SPG7: variants seen among roughly 807,000 people sequenced by gnomAD.
SPG7 encodes SPG7 matrix AAA peptidase subunit, paraplegin.
In SPG7, 103 loss-of-function variants were observed where a neutral mutation model predicts 81.9. The observed-to-expected ratio is 1.26, with a 90% CI of 1.07 to 1.48. SPG7 has a LOEUF of 1.48. Among genes scored for constraint, SPG7 ranks in the 40% most tolerant of loss-of-function variants. SPG7 has a pLI of 0.00. For missense variants in SPG7, 1,241 were observed against 1,087.3 expected (o/e 1.14, Z -1.99); for synonymous variants, 534 against 444.2 (o/e 1.20, Z -2.54).
At chr16:89,537,115 G>A in intron 9 of SPG7, 1 of 1,488,560 alleles carries the variant, frequency 6.7e-7, no homozygotes, top group Admixed American at 2.1e-5. Context: ...AGCTGTGCAT[G>A]CTCAGCCCTG....
intron 14 of SPG7, 180 bp downstream of exon 14, chr16:89,553,315 T>A: frequency 1.4e-6 from 1 of 704,686 alleles, no homozygotes; most frequent in Non-Finnish European, 2.4e-6. Flanking sequence ...ACTTCTTAGA[T>A]AATTTAATTG....
At position 89,508,473 on chromosome 16, in the gene SPG7, C is replaced by G. The variant is rs2152392865; in HGVS notation, c.56C>G (p.Pro19Arg). ...RALRRGPGPG[P>R]RPLWGPGPAW... ...CTCCGCCGGGGTCCAGGCCCGGGTCCTCGGCCGCTGTGGGGCCCAGGCCCG... is the reference window on the plus strand; with the variant it reads ...CTCCGCCGGGGTCCAGGCCCGGGTCGTCGGCCGCTGTGGGGCCCAGGCCCG... Residue 19 changes from proline to arginine, a missense_variant, in exon 1 of 17, where the codon CCT (proline) becomes CGT (arginine). By Grantham distance (103) the Pro-to-Arg change is moderately radical. Transcript: ENST00000645818. 6.6e-7 allele frequency: 1 copy of G among 1,508,410 alleles called. No homozygotes were observed. Among genetic ancestry groups the G allele is most frequent in the East Asian group, 2.7e-5 (1 of 37,398 alleles). 93.4% of individuals were successfully genotyped at this position (1,508,410 alleles called of 1,614,324 possible).
intron 10 of SPG7, 117 bp from the exon 11 acceptor site, chr16:89,546,541 G>T: frequency 1.3e-6 from 1 of 796,028 alleles, no homozygotes; most frequent in South Asian, 1.3e-5. Flanking sequence ...AGGCATGATG[G>T]CACACACTTG....
intron 3 of SPG7, among the ~76,000 whole-genome samples, chr16:89,514,731 C>G (rs1454565675): frequency 1.3e-5 from 2 of 151,972 alleles, no homozygotes; most frequent in African/African-American, 4.8e-5. Context: ...ATCTCCTGAC[C>G]TTGTGATCTG....
At chr16:89,532,419 T>A in intron 8 of SPG7, 44 bp from the exon 9 acceptor site, 3 of 1,609,774 alleles carry the variant, frequency 1.9e-6, no homozygotes, top group Non-Finnish European at 2.5e-6. Flanking sequence ...AGGCTTTGTT[T>A]TTTATTAACT....
intron 3 of SPG7, among the ~76,000 whole-genome samples, chr16:89,516,574 G>C (rs1264726042): frequency 6.6e-6 from 1 of 151,598 alleles, no homozygotes; most frequent in Non-Finnish European, 1.5e-5. Flanking sequence ...AATTAAGAAA[G>C]AAAAGGCCGG....
chr16:89,534,430 G>C (rs1177587639), intron 9 of SPG7, among the ~76,000 whole-genome samples: 1 of 152,212 alleles, frequency 6.6e-6, no homozygotes, highest in African/African-American at 2.4e-5. Flanking sequence ...GGTGAATCAG[G>C]CTGTGTTAAC....
At chr16:89,554,314 C>T (rs548028722) in intron 15 of SPG7, among the ~76,000 whole-genome samples, 172 bp from the exon 16 acceptor site, 2 of 152,280 alleles carry the variant, frequency 1.3e-5, no homozygotes, top group African/African-American at 4.8e-5. Flanking sequence ...GCATGCGGAG[C>T]CCTGCTTTCC....
At position 89,553,895 on chromosome 16, in the gene SPG7, C is replaced by T. The variant is rs780775425; in HGVS notation, c.2038C>T (p.Gln680Ter). Residue 680 changes from glutamine (Q) to a stop codon, truncating the protein, a stop_gained, in exon 15 of 17, where the codon CAG becomes TAG. Transcript: ENST00000645818. LOFTEE classifies it high-confidence loss of function. ...CGGGCCCATCTCCTTCCCTGAGGCG[C>T]AGGAGGGCCTCATGGGCATCGGGCG... Reference protein sequence around the residue: ...GIGPISFPEAQEGLMGIGRRP... With the variant: ...GIGPISFPEA 1 of 1,613,182 alleles carries T rather than the reference C, an allele frequency of 6.2e-7. No homozygotes were observed. The highest frequency in any genetic ancestry group is 2.2e-5 in the East Asian group (1 of 44,886).
chr16:89,516,113 G>A (rs1010665393), intron 3 of SPG7, among the ~76,000 whole-genome samples: 2 of 152,004 alleles, frequency 1.3e-5, no homozygotes, highest in African/African-American at 2.4e-5. Flanking sequence ...TCAACCTCAC[G>A]AATAGCTGGG....
intron 9 of SPG7, chr16:89,538,165 C>T (rs1028912273): frequency 5.3e-5 from 8 of 152,222 alleles, no homozygotes; most frequent in East Asian, 1.9e-4. Flanking sequence ...CCATTTTAGA[C>T]CTCAGGTTGG....
intron 3 of SPG7, chr16:89,520,954 T>C (rs567012435): frequency 6.6e-6 from 1 of 152,324 alleles, no homozygotes; most frequent in East Asian, 1.9e-4. Context: ...CAGGCAGTTA[T>C]CAGACAGGGT....
At chr16:89,519,231 C>T (rs968178965) in intron 3 of SPG7, 12 of 152,054 alleles carry the variant, frequency 7.9e-5, no homozygotes, top group African/African-American at 2.7e-4. Context: ...CATCTGCCTG[C>T]CTCGGTCCCC....
chr16:89,509,173 C>G (rs1479589680), intron 1 of SPG7, among the ~76,000 whole-genome samples: 1 of 152,122 alleles, frequency 6.6e-6, no homozygotes, highest in Non-Finnish European at 1.5e-5. Flanking sequence ...GAAAACCAGA[C>G]CTTGTGTCCT....
intron 2 of SPG7, among the ~76,000 whole-genome samples, chr16:89,510,804 A>C (rs549842803): frequency 6.6e-6 from 1 of 152,166 alleles, no homozygotes; most frequent in African/African-American, 2.4e-5. Flanking sequence ...AGCTAGGACT[A>C]CAGGCGTGTA....
chr16:89,537,924 C>A, intron 9 of SPG7: 1 of 289,154 alleles, frequency 3.5e-6, no homozygotes, highest in Non-Finnish European at 5.2e-6. Flanking sequence ...GGTAGATGGG[C>A]GCTGGCAGAG....
At chr16:89,512,876 A>G in intron 2 of SPG7, 72 bp from the exon 3 acceptor site, 1 of 1,556,506 alleles carries the variant, frequency 6.4e-7, no homozygotes, top group Non-Finnish European at 8.8e-7. Context: ...ATTTAGGAGT[A>G]CACTGTTGTC....
At chr16:89,530,913 G>T (rs1482313026) in intron 7 of SPG7, 105 bp downstream of exon 7, 5 of 1,520,242 alleles carry the variant, frequency 3.3e-6, no homozygotes, top group Middle Eastern at 2.3e-4. Context: ...GACGTGTCGT[G>T]GGTTGGCGGT....
intron 16 of SPG7, chr16:89,554,790 C>T: frequency 1.8e-6 from 1 of 552,164 alleles, no homozygotes; most frequent in Non-Finnish European, 3.3e-6. Flanking sequence ...CCACAGTCTC[C>T]TGTGCCTCTT....
Sources: gnomAD v4.1 joint callset for allele counts (sites outside exome capture counted in the v4.1 genomes callset) on GRCh38, gnomAD v4.1.1 for gene constraint, MANE v1.5 for transcripts, NCBI Gene and HGNC (gene_info 2026-07-23, HGNC 2026-07-21) for gene names.